The following ADAMTS9 variants were observed in gnomAD, a reference collection of about 807,000 sequenced individuals.
ADAMTS9 encodes A disintegrin and metalloproteinase with thrombospondin motifs 9.
Under a neutral mutation model 257.1 loss-of-function variants are expected in ADAMTS9, and 107 were observed. That is an observed-to-expected ratio of 0.42 (90% confidence interval 0.36 to 0.49). ADAMTS9 has a LOEUF of 0.49. ADAMTS9 is among the 20% of genes least tolerant of loss of function. The pLI is 0.03. For synonymous variants in ADAMTS9, 982 were observed against 880.9 expected, an observed-to-expected ratio of 1.11 and a Z score of -2.03; for missense variants, 2,353 against 2,469.1, an observed-to-expected ratio of 0.95 and a Z score of 1.00.
At position 64,642,345 on chromosome 3, in the gene ADAMTS9, G is replaced by C. The variant is rs555826436; in HGVS notation, c.1711-352C>G. On this transcript the variant is annotated intron_variant, in intron 11 of 39. Transcript: ENST00000498707. ...TAGACAGGGCCAAAATGAGTTATAA[G>C]ATTTGCATAGTGAATTTCCATCAAC... is the stretch of plus-strand genomic sequence containing the variant. Among the ~76,000 whole-genome samples, 3 of 152,252 alleles carry C rather than the reference G, an allele frequency of 2.0e-5. No individual in the cohort carries two copies. In the South Asian group the frequency reaches 6.2e-4, roughly 32 times the overall value.
intron 8 of ADAMTS9, among the ~76,000 whole-genome samples, chr3:64,651,682 T>C (rs1700935090): frequency 1.3e-5 from 2 of 152,156 alleles, no homozygotes; most frequent in East Asian, 3.9e-4. Flanking sequence ...TGCGTAGGTA[T>C]ATCATTCTAA....
intron 30 of ADAMTS9, among the ~76,000 whole-genome samples, chr3:64,554,133 G>A (rs1183078544): frequency 6.6e-6 from 1 of 152,024 alleles, no homozygotes; most frequent in East Asian, 1.9e-4. Context: ...AATCCACAAG[G>A]CTTTAATCTG....
At chr3:64,568,267 G>A (rs914106484) in intron 29 of ADAMTS9, 101 bp downstream of exon 29, 12 of 1,369,718 alleles carry the variant, frequency 8.8e-6, no homozygotes, top group South Asian at 5.9e-5. Context: ...AGCTCCCCTC[G>A]GTAAAACCAA....
rs560964015 is a variant in ADAMTS9 at position 64,615,446 on chromosome 3, C to A, written c.3064G>T (p.Ala1022Ser). 1 of 1,613,924 alleles carries A rather than the reference C, an allele frequency of 6.2e-7. No individual in the cohort carries two copies. The highest frequency in any genetic ancestry group is 2.2e-5 in the East Asian group (1 of 44,854). The change falls in exon 21 of 40, where the codon GCT becomes TCT. Residue 1022 changes from alanine to serine, a missense_variant. Around this residue, in one of 3 missense-constraint regions of ADAMTS9, gnomAD observed 1,402 missense variants for 1,441.4 expected, o/e 0.97. Transcript: ENST00000498707. Reference sequence around the variant, plus strand: ...TCATTTCGGGTATTGACACAAATAGCCCTTCTCCTCTGGGTCCCACCGTCA... The same window carrying A: ...TCATTTCGGGTATTGACACAAATAGACCTTCTCCTCTGGGTCCCACCGTCA... ...SCDGGTQRRR[A>S]ICVNTRNDVL...
At position 64,616,422 on chromosome 3, in the gene ADAMTS9, C is replaced by T. The variant is rs140935485; in HGVS notation, c.2814-252G>A. ...TGTTACCTTTGTGATGATTTTACCC[C>T]GATAGTCAATCTGAAATTCAAGCTA... On this transcript the variant is annotated intron_variant, in intron 19 of 39. Transcript: ENST00000498707. Among the ~76,000 whole-genome samples, 443 of 152,076 alleles carry T rather than the reference C, an allele frequency of 2.9e-3. 1 individual carries two copies. Among genetic ancestry groups the T allele is most frequent in the African/African-American group, 9.9e-3 (412 of 41,466 alleles).
chr3:64,542,864 A>G (rs1029641718), intron 32 of ADAMTS9, among the ~76,000 whole-genome samples: 4 of 152,022 alleles, frequency 2.6e-5, no homozygotes, highest in Admixed American at 1.3e-4. Context: ...TTGATAGACC[A>G]CTAGCAAGAC....
At chr3:64,673,516 G>A (rs962765151) in intron 3 of ADAMTS9, among the ~76,000 whole-genome samples, 2 of 152,138 alleles carry the variant, frequency 1.3e-5, no homozygotes, top group African/African-American at 4.8e-5. Flanking sequence ...CAGCGATGAC[G>A]ACAACAAAGT....
intron 30 of ADAMTS9, among the ~76,000 whole-genome samples, chr3:64,555,495 C>T (rs2083322067): frequency 6.6e-6 from 1 of 152,176 alleles, no homozygotes; most frequent in Non-Finnish European, 1.5e-5. Flanking sequence ...CCCAGGGTGG[C>T]AGCTATTCCC....
intron 28 of ADAMTS9, chr3:64,582,471 A>G: frequency 6.6e-6 from 1 of 152,198 alleles, no homozygotes; most frequent in East Asian, 1.9e-4. Flanking sequence ...ACTTAGTATC[A>G]AATATGTCTG....
At chr3:64,562,139 G>A (rs1417673959) in intron 29 of ADAMTS9, among the ~76,000 whole-genome samples, 1 of 152,230 alleles carries the variant, frequency 6.6e-6, no homozygotes, top group Non-Finnish European at 1.5e-5. Context: ...AAACTGGAGA[G>A]ACAGTGTTGT....
At chr3:64,567,294 C>A (rs2083568614) in intron 29 of ADAMTS9, among the ~76,000 whole-genome samples, 1 of 152,122 alleles carries the variant, frequency 6.6e-6, no homozygotes, top group African/African-American at 2.4e-5. Flanking sequence ...ATGCTAGAGC[C>A]CGCCAACCTT....
intron 38 of ADAMTS9, among the ~76,000 whole-genome samples, chr3:64,532,501 A>G (rs549142842): frequency 6.6e-6 from 1 of 152,234 alleles, no homozygotes; most frequent in Admixed American, 6.5e-5. Flanking sequence ...TAAGTCAGGG[A>G]CCATCTGCAC....
chr3:64,520,419 TAC>T (rs2082834347), intron 39 of ADAMTS9, among the ~76,000 whole-genome samples: 1 of 152,178 alleles, frequency 6.6e-6, no homozygotes, highest in African/African-American at 2.4e-5. Flanking sequence ...TGTTATTCTT[TAC>T]AGTGTTAGAA....
At chr3:64,605,552 G>A (rs2084542719) in intron 23 of ADAMTS9, among the ~76,000 whole-genome samples, 1 of 152,182 alleles carries the variant, frequency 6.6e-6, no homozygotes, top group Non-Finnish European at 1.5e-5. Context: ...TCAGCCACAT[G>A]GGGCTTCACT....
Position 64,540,431 on chromosome 3 carries a change from C to T in ADAMTS9, c.5521+664G>A, listed in dbSNP as rs573355569. Among the ~76,000 whole-genome samples, 26 of 152,230 alleles carry T rather than the reference C, an allele frequency of 1.7e-4. No homozygotes were observed. In the South Asian group the frequency reaches 4.8e-3, roughly 28 times the overall value. On this transcript the variant is annotated intron_variant, in intron 36 of 39. Coordinates refer to ENST00000498707, the MANE Select transcript of ADAMTS9 (RefSeq NM_182920.2). ...GTCCCCAACAGAGATGCAGTGTTGG[C>T]GAGAGTATGAAATCAGCCCACACAC...
chr3:64,551,023 C>A lies in ADAMTS9; in HGVS notation c.4738G>T (p.Val1580Leu), dbSNP rs138988394. Residue 1580 changes from valine to leucine, a missense_variant, in exon 31 of 40, where the codon GTG (valine) becomes TTG (leucine). This residue lies in a region of ADAMTS9 where 1,402 missense variants were observed against 1,441.4 expected (regional missense o/e 0.97). Coordinates refer to ENST00000498707, the MANE Select transcript of ADAMTS9 (RefSeq NM_182920.2). The stretch of plus-strand genomic sequence containing the variant: ...TTTTTGTTGTCATCCACACACACCA[C>A]CTTGCGGTACCTGGAGCCTTCGCCG... ...TCGEGSRYRK[V>L]VCVDDNKNEV... The A allele has an allele frequency of 6.8e-6, 11 of 1,614,098 alleles. No individual in the cohort carries two copies. Among genetic ancestry groups the A allele is most frequent in the Non-Finnish European group, 9.3e-6 (11 of 1,180,042 alleles).
At chr3:64,531,044 T>G (rs2082974700) in intron 38 of ADAMTS9, among the ~76,000 whole-genome samples, 1 of 152,228 alleles carries the variant, frequency 6.6e-6, no homozygotes, top group Non-Finnish European at 1.5e-5. Context: ...CTTTATTCCT[T>G]TCAGTGCAAG....
At chr3:64,576,980 T>G (rs1196638975) in intron 28 of ADAMTS9, among the ~76,000 whole-genome samples, 1 of 152,118 alleles carries the variant, frequency 6.6e-6, no homozygotes, top group Non-Finnish European at 1.5e-5. Flanking sequence ...GGCGCTCCAG[T>G]TCCCCAACCT....
rs1576196211 is a variant in ADAMTS9, at chr3:64,686,550, T to G, written c.516+18A>C. The G allele has an allele frequency of 1.9e-6, 3 of 1,574,612 alleles. No homozygotes were observed. The highest frequency in any genetic ancestry group is 2.6e-6 in the Non-Finnish European group (3 of 1,159,438). ...CGAGGAGGCGGAAGGGGAGAGGAGG[T>G]GGCGCGCGCCCACTTACCATTCCTG... On this transcript the variant is annotated intron_variant, in intron 2 of 39. Transcript: ENST00000498707. The surrounding 1 kb of genome is among the most constrained non-coding windows in gnomAD (Gnocchi z 4.6).
Sources: allele counts gnomAD v4.1 joint callset (sites outside exome capture counted in the v4.1 genomes callset), GRCh38; gene constraint gnomAD v4.1.1; regional missense constraint gnomAD v4.1.1; non-coding constraint Gnocchi (gnomAD v3.1); transcripts MANE v1.5; gene names NCBI Gene and HGNC (gene_info 2026-07-23, HGNC 2026-07-21).